ACVR1: variants seen among roughly 807,000 people sequenced by gnomAD.
ACVR1 encodes activin receptor type-1.
ACVR1 carries 38 observed loss-of-function variants against 57.1 expected under a neutral mutation model. The ratio of observed to expected loss-of-function variants is 0.67; its 90% CI spans 0.51 to 0.87. ACVR1 has a LOEUF of 0.87. Ranked by LOEUF, ACVR1 falls within the 40% of genes least tolerant of loss-of-function variation. The probability of loss-of-function intolerance (pLI) is 0.00; values close to 1 mark genes in which losing one functional copy is unlikely to be tolerated. For missense variants in ACVR1, 463 were observed against 638.2 expected, an observed-to-expected ratio of 0.73 and a Z score of 2.96; for synonymous variants, 212 against 228.1, an observed-to-expected ratio of 0.93 and a Z score of 0.63.
intron 9 of ACVR1, among the ~76,000 whole-genome samples, chr2:157,752,698 A>AT (rs1304532334): frequency 6.6e-6 from 1 of 152,206 alleles, no homozygotes; most frequent in Non-Finnish European, 1.5e-5. Context: ...TGAAACGAAG[A>AT]TTGATAAATG....
chr2:157,774,783 T>C (rs1686214970), intron 5 of ACVR1, among the ~76,000 whole-genome samples: 1 of 151,928 alleles, frequency 6.6e-6, no homozygotes, highest in African/African-American at 2.4e-5. Context: ...AAATATATAA[T>C]GAAAGAAGCT....
chr2:157,738,142 C>A (rs991922605), intron 10 of ACVR1, among the ~76,000 whole-genome samples: 2 of 152,170 alleles, frequency 1.3e-5, no homozygotes, highest in Non-Finnish European at 2.9e-5. Context: ...TTTATACATG[C>A]AGTCTTAGGG....
chr2:157,857,724 C>T (rs1179012411), intron 1 of ACVR1, among the ~76,000 whole-genome samples: 4 of 152,122 alleles, frequency 2.6e-5, no homozygotes, highest in Non-Finnish European at 5.9e-5. Flanking sequence ...CTTGTCAGCA[C>T]CGTAAGAAAT....
chr2:157,787,059 T>C (rs1243102645), intron 3 of ACVR1, among the ~76,000 whole-genome samples: 3 of 152,138 alleles, frequency 2.0e-5, no homozygotes, highest in East Asian at 1.9e-4. Context: ...CATCTGTTTA[T>C]TTTGTGTCTG....
intron 9 of ACVR1, among the ~76,000 whole-genome samples, chr2:157,756,891 A>G (rs1181203063): frequency 6.6e-6 from 1 of 151,110 alleles, no homozygotes; most frequent in East Asian, 1.9e-4. Flanking sequence ...AAAATATGGA[A>G]CTAGCCCAAA....
At chr2:157,741,006 T>TCAAGC (rs1340935994) in intron 9 of ACVR1, among the ~76,000 whole-genome samples, 2 of 152,190 alleles carry the variant, frequency 1.3e-5, no homozygotes, top group African/African-American at 2.4e-5. Flanking sequence ...CTCCCTCTGA[T>TCAAGC]CAAGCAATAA....
At chr2:157,740,991 A>G (rs1466217173) in intron 9 of ACVR1, among the ~76,000 whole-genome samples, 1 of 152,182 alleles carries the variant, frequency 6.6e-6, no homozygotes, top group Non-Finnish European at 1.5e-5. Flanking sequence ...AACAGTCACT[A>G]CGAACTCCCT....
intron 1 of ACVR1, among the ~76,000 whole-genome samples, chr2:157,868,042 G>A (rs1173763614): frequency 6.6e-6 from 1 of 152,000 alleles, no homozygotes; most frequent in Non-Finnish European, 1.5e-5. Context: ...TGCTCCTATG[G>A]TGCTCATCTT....
At position 157,855,347 on chromosome 2, in the gene ACVR1, A is replaced by C. The variant is rs867113135; in HGVS notation, c.-183+20449T>G. 1.4e-3 allele frequency among the ~76,000 whole-genome samples: 164 copies of C among 119,726 alleles called. 1 individual carries two copies. Among genetic ancestry groups the C allele is most frequent in the Middle Eastern group, 4.4e-3 (1 of 228 alleles). The allele number at this position is 119,726 out of a possible 152,430, so 78.5% of individuals were successfully genotyped here. A position where few individuals can be genotyped will look rare whatever the true frequency, so the allele number is the denominator to read the frequency against. On this transcript the variant is annotated intron_variant, in intron 1 of 10. Coordinates refer to ENST00000434821, the MANE Select transcript of ACVR1 (RefSeq NM_001111067.4). ...ATACACACACACACACACACACACA[A>C]AAATTAGCCGGACGTGGTGGCTTTC...
At chr2:157,855,624 G>T (rs1258422787) in intron 1 of ACVR1, among the ~76,000 whole-genome samples, 1 of 152,006 alleles carries the variant, frequency 6.6e-6, no homozygotes, top group Non-Finnish European at 1.5e-5. Context: ...CATCAGAAGT[G>T]CCAATGTTAT....
chr2:157,827,695 C>T (rs1435100986), intron 1 of ACVR1, among the ~76,000 whole-genome samples: 2 of 152,108 alleles, frequency 1.3e-5, no homozygotes, highest in Non-Finnish European at 2.9e-5. Flanking sequence ...CTGGGTCTAC[C>T]GCTGACTTGG....
chr2:157,809,587 G>A (rs750993118), intron 2 of ACVR1, among the ~76,000 whole-genome samples: 3 of 151,704 alleles, frequency 2.0e-5, no homozygotes, highest in Admixed American at 1.3e-4. Flanking sequence ...ACTGGAGAAC[G>A]GATATAACCA....
chr2:157,812,068 G>C (rs141521538), intron 2 of ACVR1, among the ~76,000 whole-genome samples: 1 of 152,164 alleles, frequency 6.6e-6, no homozygotes, highest in Non-Finnish European at 1.5e-5. Flanking sequence ...CAAAGTATCA[G>C]AATGAACTCA....
chr2:157,841,413 A>C (rs977356584), intron 1 of ACVR1, among the ~76,000 whole-genome samples: 1 of 152,184 alleles, frequency 6.6e-6, no homozygotes, highest in African/African-American at 2.4e-5. Context: ...CTAACTTGGG[A>C]GGAGCAAAGG....
chr2:157,779,407 C>T (rs1686418930), intron 4 of ACVR1, among the ~76,000 whole-genome samples: 1 of 152,178 alleles, frequency 6.6e-6, no homozygotes, highest in South Asian at 2.1e-4. Context: ...ATCCTATTTG[C>T]TTGTCAGAAT....
intron 1 of ACVR1, among the ~76,000 whole-genome samples, chr2:157,855,051 GT>G (rs1023139526): frequency 6.6e-6 from 1 of 151,716 alleles, no homozygotes; most frequent in African/African-American, 2.4e-5. Flanking sequence ...AATAAAATAA[GT>G]ATATAAGACA....
intron 2 of ACVR1, among the ~76,000 whole-genome samples, chr2:157,811,892 C>G (rs145137393): frequency 1.4e-3 from 219 of 152,292 alleles, no homozygotes; most frequent in African/African-American, 4.5e-3. Flanking sequence ...CATTGTGGCA[C>G]TTCTGAGAAT....
intron 2 of ACVR1, among the ~76,000 whole-genome samples, chr2:157,803,319 C>G (rs1687394774): frequency 6.6e-6 from 1 of 152,114 alleles, no homozygotes; most frequent in Non-Finnish European, 1.5e-5. Context: ...AATTCCGTCT[C>G]TAGTGTTTAA....
chr2:157,832,023 G>A (rs1447762669), intron 1 of ACVR1, among the ~76,000 whole-genome samples: 1 of 152,072 alleles, frequency 6.6e-6, no homozygotes, highest in Non-Finnish European at 1.5e-5. Flanking sequence ...AGTACATGCT[G>A]GGCTGTACTC....
Sources: allele counts gnomAD v4.1 joint callset (sites outside exome capture counted in the v4.1 genomes callset), GRCh38; gene constraint gnomAD v4.1.1; transcripts MANE v1.5; gene names NCBI Gene and HGNC (gene_info 2026-07-23, HGNC 2026-07-21).